Variants in CACNA1E observed in about 807,000 individuals in gnomAD.
The protein encoded by CACNA1E is calcium voltage-gated channel subunit alpha1 E, also known as voltage-dependent R-type calcium channel subunit alpha-1E.
In CACNA1E, 40 loss-of-function variants were observed where a neutral mutation model predicts 259.2. The observed-to-expected ratio is 0.15, with a 90% confidence interval of 0.12 to 0.20. CACNA1E has a LOEUF of 0.20. Among genes scored for constraint, CACNA1E ranks in the 10% least tolerant of loss-of-function variants. The pLI is 1.00. For missense variants in CACNA1E, 1,874 were observed against 3,040.1 expected, an observed-to-expected ratio of 0.62 and a Z score of 9.02; for synonymous variants, 1,104 against 1,138.5, an observed-to-expected ratio of 0.97 and a Z score of 0.61.
At chr1:181,686,933 A>C (rs1377043162) in intron 7 of CACNA1E, among the ~76,000 whole-genome samples, 1 of 152,132 alleles carries the variant, frequency 6.6e-6, no homozygotes, top group South Asian at 2.1e-4. Context: ...ACAGGCAGAG[A>C]TCCTGGGTGA....
chr1:181,391,145 C>T (rs1301935746), intron 1 of CACNA1E, among the ~76,000 whole-genome samples: 1 of 152,202 alleles, frequency 6.6e-6, no homozygotes, highest in Non-Finnish European at 1.5e-5. Context: ...CACTGGAGCC[C>T]TGGGCACATC....
In CACNA1E at chr1:181,737,647, G is replaced by A. The variant is rs376174454; in HGVS notation, c.3545G>A (p.Arg1182His). ...AEDPVLTNSERNKVLRYFDYV... is the reference protein window; with the variant it reads ...AEDPVLTNSEHNKVLRYFDYV... ...GACCCCGTCCTGACCAACTCGGAGC[G>A]CAACAAAGTGGGTACACAGGGGCCA... The change falls in exon 23 of 48, where the codon CGC (arginine) becomes CAC (histidine). Residue 1182 changes from arginine (R) to histidine (H), a missense_variant. This residue lies in a region of CACNA1E where 56 missense variants were observed against 97.4 expected (regional missense o/e 0.57). Coordinates refer to ENST00000367573, the MANE Select transcript of CACNA1E (RefSeq NM_001205293.3). 1.9e-5 allele frequency: 30 copies of A among 1,613,574 alleles called. No individual in the cohort carries two copies. Among genetic ancestry groups the A allele is most frequent in the Admixed American group, 3.3e-5 (2 of 59,990 alleles).
intron 32 of CACNA1E, among the ~76,000 whole-genome samples, chr1:181,760,051 C>T (rs1222302087): frequency 1.3e-5 from 2 of 152,210 alleles, no homozygotes; most frequent in African/African-American, 2.4e-5. Context: ...CTTTATAATA[C>T]AGTCTAGCCC....
intron 1 of CACNA1E, among the ~76,000 whole-genome samples, chr1:181,374,540 G>A (rs2101971453): frequency 6.6e-6 from 1 of 152,140 alleles, no homozygotes; most frequent in Non-Finnish European, 1.5e-5. Context: ...ATGCCTAACT[G>A]CAGCCGTGGA....
rs529561616 is a variant in CACNA1E, at chr1:181,649,403, G to A, written c.952-1935G>A. On this transcript the variant is annotated intron_variant, in intron 6 of 47. Transcript: ENST00000367573. The stretch of plus-strand genomic sequence containing the variant: ...GCAAAAAAAAAAAGACACAAGTGTG[G>A]TGAAAGGAGATTGCCTTAGAAGCTG... Among the ~76,000 whole-genome samples, 4 of 151,864 alleles carry A rather than the reference G, an allele frequency of 2.6e-5. No homozygotes were observed. In the South Asian group the frequency reaches 8.3e-4, roughly 32 times the overall value.
chr1:181,432,400 G>A (rs112207642), intron 2 of CACNA1E, among the ~76,000 whole-genome samples: 3,986 of 151,800 alleles, frequency 0.026, 180 homozygotes, highest in African/African-American at 0.091. Flanking sequence ...TTCATGTATC[G>A]TTTCAACTGA....
intron 6 of CACNA1E, among the ~76,000 whole-genome samples, chr1:181,646,243 A>G (rs1473994219): frequency 6.6e-6 from 1 of 152,186 alleles, no homozygotes. Flanking sequence ...TGTCCCCCAG[A>G]ACATTTGGCA....
intron 1 of CACNA1E, among the ~76,000 whole-genome samples, chr1:181,364,827 A>G (rs1362476497): frequency 6.6e-6 from 1 of 152,178 alleles, no homozygotes; most frequent in Non-Finnish European, 1.5e-5. Flanking sequence ...CTTGGGCTCC[A>G]GTCTTCCACC....
Position 181,733,013 on chromosome 1 carries a change from A to G in CACNA1E, c.2927A>G (p.Glu976Gly), listed in dbSNP as rs775168463. 1 of 1,608,240 alleles carries G rather than the reference A, an allele frequency of 6.2e-7. No individual in the cohort carries two copies. Among genetic ancestry groups the G allele is most frequent in the Non-Finnish European group, 8.5e-7 (1 of 1,177,268 alleles). The change falls in exon 20 of 48, where the codon GAG becomes GGG. Residue 976 changes from glutamate (E) to glycine (G), a missense_variant. Coordinates refer to ENST00000367573, the MANE Select transcript of CACNA1E (RefSeq NM_001205293.3). Reference sequence around the variant, plus strand: ...GCCAAGGAGCCAACGATCCAAGAAGAGAGAGCCCAGGATTTAAGGAGGTGA... The same window carrying G: ...GCCAAGGAGCCAACGATCCAAGAAGGGAGAGCCCAGGATTTAAGGAGGTGA... ...HGAKEPTIQEERAQDLRRTNS... is the reference protein window; with the variant it reads ...HGAKEPTIQEGRAQDLRRTNS...
In CACNA1E at chr1:181,793,794, G is replaced by A; in HGVS notation, c.6027+1G>A. The A allele has an allele frequency of 6.2e-7, 1 of 1,610,844 alleles. No individual in the cohort carries two copies. The highest frequency in any genetic ancestry group is 8.5e-7 in the Non-Finnish European group (1 of 1,179,180). ...GCCACGTCTGACTGTGGATCCCCAG[G>A]TAAAAAGCAACCACCTACATTAATG... On this transcript the variant is annotated splice_donor_variant, in intron 45 of 47. Transcript: ENST00000367573. LOFTEE classifies it high-confidence loss of function.
intron 2 of CACNA1E, among the ~76,000 whole-genome samples, chr1:181,424,984 C>T (rs772142653): frequency 2.0e-5 from 3 of 152,230 alleles, no homozygotes; most frequent in Admixed American, 6.5e-5. Context: ...GTCTTCTGAA[C>T]ATGTCAAGAT....
At chr1:181,554,284 G>C (rs1238008921) in intron 3 of CACNA1E, among the ~76,000 whole-genome samples, 1 of 152,154 alleles carries the variant, frequency 6.6e-6, no homozygotes, top group Non-Finnish European at 1.5e-5. Flanking sequence ...AAGTGCTTGG[G>C]ATTAAAGATG....
chr1:181,619,033 T>C (rs1478868451), intron 6 of CACNA1E, among the ~76,000 whole-genome samples: 1 of 152,172 alleles, frequency 6.6e-6, no homozygotes, highest in Non-Finnish European at 1.5e-5. Flanking sequence ...ATCAATATTA[T>C]ATACAAAGCA....
intron 21 of CACNA1E, 30 bp downstream of exon 21, chr1:181,733,780 C>T (rs1655762354): frequency 1.4e-6 from 2 of 1,457,614 alleles, no homozygotes; most frequent in Non-Finnish European, 1.8e-6. Flanking sequence ...TCCCCTCCAC[C>T]CCCAACTCCT....
At chr1:181,323,583 T>C (rs944209249) in intron 1 of CACNA1E, among the ~76,000 whole-genome samples, 1 of 152,210 alleles carries the variant, frequency 6.6e-6, no homozygotes, top group African/African-American at 2.4e-5. Flanking sequence ...AGTCATACAA[T>C]AGGATTTTTT....
At chr1:181,398,785 T>C (rs1656876953) in intron 1 of CACNA1E, among the ~76,000 whole-genome samples, 1 of 152,236 alleles carries the variant, frequency 6.6e-6, no homozygotes, top group South Asian at 2.1e-4. Flanking sequence ...CAGCTGGACC[T>C]ACTATAGTCA....
chr1:181,580,774 A>T lies in CACNA1E; in HGVS notation c.949A>T (p.Asn317Tyr). Reference sequence around the variant, plus strand: ...GGAAGGGTGGACCACTGTGCTGTACAATGTGAGTAGAGCTGGTGGGGACCT... The same window carrying T: ...GGAAGGGTGGACCACTGTGCTGTACTATGTGAGTAGAGCTGGTGGGGACCT... ...TMEGWTTVLY[N>Y]TNDALGATWN... The change falls in exon 6 of 48, where the codon AAT (asparagine) becomes TAT (tyrosine). Residue 317 changes from asparagine to tyrosine, a missense_variant and splice_region_variant. Physicochemically the swap from Asn to Tyr is moderately radical, Grantham distance 143 (BLOSUM62 -2). Transcript: ENST00000367573. 1 of 1,613,592 alleles carries T rather than the reference A, an allele frequency of 6.2e-7. No homozygotes were observed. The highest frequency in any genetic ancestry group is 1.1e-5 in the South Asian group (1 of 91,060).
intron 6 of CACNA1E, among the ~76,000 whole-genome samples, chr1:181,626,891 A>G (rs758514553): frequency 1.3e-5 from 2 of 152,204 alleles, no homozygotes; most frequent in Non-Finnish European, 2.9e-5. Context: ...AGAGTATGCT[A>G]CTTGATCTAA....
intron 8 of CACNA1E, among the ~76,000 whole-genome samples, chr1:181,712,750 G>A (rs535950589): frequency 3.1e-4 from 47 of 152,174 alleles, no homozygotes; most frequent in African/African-American, 1.1e-3. Context: ...TCTAGGCCAG[G>A]AAGGCAGCTT....
Sources: gnomAD v4.1 joint callset for allele counts (sites outside exome capture counted in the v4.1 genomes callset) on GRCh38, gnomAD v4.1.1 for gene constraint, gnomAD v4.1.1 regional missense constraint, MANE v1.5 for transcripts, NCBI Gene and HGNC (gene_info 2026-07-23, HGNC 2026-07-21) for gene names.